The following GALNT13 variants were observed in gnomAD, a reference collection of about 807,000 sequenced individuals.
The protein encoded by GALNT13 is polypeptide N-acetylgalactosaminyltransferase 13.
In GALNT13, 28 loss-of-function variants were observed where a neutral mutation model predicts 64.2. The ratio of observed to expected loss-of-function variants is 0.44; its 90% CI spans 0.32 to 0.60. GALNT13 has a LOEUF of 0.60. Ranked by LOEUF, GALNT13 falls within the 20% of genes least tolerant of loss-of-function variation. The pLI is 0.05. For missense variants in GALNT13, 577 were observed against 669.8 expected, an observed-to-expected ratio of 0.86 and a Z score of 1.53; for synonymous variants, 214 against 224.6, an observed-to-expected ratio of 0.95 and a Z score of 0.42.
At chr2:153,761,079 A>G in the GALNT13 span, among the ~76,000 whole-genome samples, 1 of 151,940 alleles carries the variant, frequency 6.6e-6, no homozygotes, top group Non-Finnish European at 1.5e-5. Context: ...ATAGAATATT[A>G]TTTTTCATCC....
At chr2:153,994,269 G>A (rs552737510) in intron 3 of GALNT13, among the ~76,000 whole-genome samples, 1 of 152,324 alleles carries the variant, frequency 6.6e-6, no homozygotes, top group East Asian at 1.9e-4. Flanking sequence ...TGCCTGCATA[G>A]TATTCCATGG....
At chr2:154,238,409 T>C (rs902692164) in intron 4 of GALNT13, among the ~76,000 whole-genome samples, 1 of 152,042 alleles carries the variant, frequency 6.6e-6, no homozygotes. Context: ...TATTTAAGTA[T>C]TAAATGGACT....
At chr2:153,296,091 G>A in the GALNT13 span, among the ~76,000 whole-genome samples, 1 of 152,124 alleles carries the variant, frequency 6.6e-6, no homozygotes, top group Non-Finnish European at 1.5e-5. Flanking sequence ...CCATCAGATA[G>A]GAAAACTCTA....
chr2:153,251,325 TC>T, the GALNT13 span, among the ~76,000 whole-genome samples: 1 of 152,248 alleles, frequency 6.6e-6, no homozygotes, highest in Non-Finnish European at 1.5e-5. Flanking sequence ...GTAATTAATT[TC>T]CTTGTCAATT....
chr2:153,540,805 CA>C, the GALNT13 span, among the ~76,000 whole-genome samples: 1 of 152,162 alleles, frequency 6.6e-6, no homozygotes, highest in South Asian at 2.1e-4. Flanking sequence ...CAATTTCTCC[CA>C]TTTGGAATGT....
At chr2:154,194,991 C>CATT (rs1686802922) in intron 4 of GALNT13, among the ~76,000 whole-genome samples, 5 of 151,768 alleles carry the variant, frequency 3.3e-5, no homozygotes, top group Non-Finnish European at 5.9e-5. Flanking sequence ...GCCCCACGTG[C>CATT]ATTAGGTATT....
intron 4 of GALNT13, among the ~76,000 whole-genome samples, chr2:154,155,101 T>C (rs1181480981): frequency 6.6e-6 from 1 of 152,030 alleles, no homozygotes; most frequent in Non-Finnish European, 1.5e-5. Context: ...AGAGGCAAGA[T>C]TTTTTACCAG....
the GALNT13 span, among the ~76,000 whole-genome samples, chr2:153,647,219 G>A: frequency 6.6e-6 from 1 of 152,176 alleles, no homozygotes; most frequent in Non-Finnish European, 1.5e-5. Context: ...GGCCAGTGAT[G>A]ATGAGCATTT....
chr2:154,187,474 C>A (rs1319633548), intron 4 of GALNT13, among the ~76,000 whole-genome samples: 1 of 151,480 alleles, frequency 6.6e-6, no homozygotes, highest in Admixed American at 6.6e-5. Context: ...TCAGCCATAA[C>A]AAACATGTTA....
At chr2:153,627,179 T>A in the GALNT13 span, among the ~76,000 whole-genome samples, 1 of 152,062 alleles carries the variant, frequency 6.6e-6, no homozygotes, top group Non-Finnish European at 1.5e-5. Flanking sequence ...CATTGAGGAC[T>A]GTACACTGAA....
chr2:153,440,162 C>G, the GALNT13 span, among the ~76,000 whole-genome samples: 1 of 151,476 alleles, frequency 6.6e-6, no homozygotes, highest in Admixed American at 6.6e-5. Flanking sequence ...CATGTGTTCT[C>G]ATTGTTCAGC....
the GALNT13 span, among the ~76,000 whole-genome samples, chr2:153,217,150 GT>G: frequency 6.6e-6 from 1 of 151,766 alleles, no homozygotes; most frequent in Non-Finnish European, 1.5e-5. Flanking sequence ...AGTCTCTTTT[GT>G]TTCATTGATC....
the GALNT13 span, among the ~76,000 whole-genome samples, chr2:153,571,021 G>A: frequency 2.6e-5 from 4 of 151,398 alleles, no homozygotes; most frequent in Admixed American, 6.6e-5. Flanking sequence ...GATAGGAATT[G>A]CATTGAATTT....
the GALNT13 span, among the ~76,000 whole-genome samples, chr2:153,112,957 T>C: frequency 2.6e-5 from 4 of 152,024 alleles, no homozygotes; most frequent in Non-Finnish European, 5.9e-5. Context: ...CAATTGAAAA[T>C]TGCAGACAGA....
At chr2:153,109,554 C>T in the GALNT13 span, among the ~76,000 whole-genome samples, 1 of 152,124 alleles carries the variant, frequency 6.6e-6, no homozygotes, top group African/African-American at 2.4e-5. Context: ...AACTTAGTGT[C>T]TCTTGCTGCA....
Position 154,242,792 on chromosome 2 carries a change from C to A in GALNT13, c.573C>A (p.Ala191=). Residue 191 remains alanine (A), a synonymous_variant, in exon 6 of 13, where the codon GCC becomes GCA. Coordinates refer to ENST00000392825, the MANE Select transcript of GALNT13 (RefSeq NM_052917.4). ...RMEERSGLIR[A]RLRGAAASKG... ...AAGAACGCTCTGGGTTAATACGTGC[C>A]CGTCTTCGAGGAGCAGCTGCTTCAA... 1 of 1,614,030 alleles carries A rather than the reference C, an allele frequency of 6.2e-7. No homozygotes were observed. Among genetic ancestry groups the A allele is most frequent in the Non-Finnish European group, 8.5e-7 (1 of 1,179,898 alleles).
chr2:154,120,096 G>A (rs1681851035), intron 3 of GALNT13, among the ~76,000 whole-genome samples: 1 of 151,898 alleles, frequency 6.6e-6, no homozygotes, highest in Admixed American at 6.6e-5. Context: ...TTTTTGTCAG[G>A]GATAGATCTT....
chr2:154,214,578 C>T (rs1313581804), intron 4 of GALNT13, among the ~76,000 whole-genome samples: 1 of 151,982 alleles, frequency 6.6e-6, no homozygotes, highest in African/African-American at 2.4e-5. Flanking sequence ...GGTGGTTTTT[C>T]CCCTGATGTT....
At chr2:153,450,959 T>A in the GALNT13 span, among the ~76,000 whole-genome samples, 97,777 of 151,928 alleles carry the variant, frequency 0.64, 32,339 homozygotes, top group Non-Finnish European at 0.72. Context: ...CACAGAGAAG[T>A]TTTTCTATGA....
Sources: gnomAD v4.1 joint callset for allele counts (sites outside exome capture counted in the v4.1 genomes callset) on GRCh38, gnomAD v4.1.1 for gene constraint, MANE v1.5 for transcripts, NCBI Gene and HGNC (gene_info 2026-07-23, HGNC 2026-07-21) for gene names.